Variants in PRICKLE2 observed in about 807,000 individuals in gnomAD.
PRICKLE2 encodes the protein prickle-like protein 2.
Under a neutral mutation model 81.4 loss-of-function variants are expected in PRICKLE2, and 21 were observed. The observed-to-expected ratio is 0.26, with a 90% CI of 0.18 to 0.37. The LOEUF is 0.37. Among genes scored for constraint, PRICKLE2 ranks in the 10% least tolerant of loss-of-function variants. PRICKLE2 has a pLI of 1.00. For missense variants in PRICKLE2, 940 were observed against 1,109.0 expected, an observed-to-expected ratio of 0.85 and a Z score of 2.16; for synonymous variants, 456 against 421.5, an observed-to-expected ratio of 1.08 and a Z score of -1.00.
chr3:64,188,050 AC>A (rs2078267254), intron 2 of PRICKLE2, among the ~76,000 whole-genome samples: 1 of 152,226 alleles, frequency 6.6e-6, no homozygotes, highest in Admixed American at 6.5e-5. Context: ...AGGCAAAAAG[AC>A]AGGAATGGGA....
chr3:64,203,122 G>C lies in PRICKLE2; in HGVS notation c.-40-4155C>G, dbSNP rs114233195. On this transcript the variant is annotated intron_variant, in intron 1 of 7. Transcript: ENST00000638394. ...AGTTTAGTCTAACCAAACTGATTTT[G>C]GCTTGTCAGATTCCCCCACTTTCTG... 6.2e-3 allele frequency among the ~76,000 whole-genome samples: 945 copies of C among 152,208 alleles called. 6 individuals are homozygous for C. Among genetic ancestry groups the C allele is most frequent in the Non-Finnish European group, 0.011 (716 of 68,008 alleles).
At chr3:64,113,712 G>T (rs1234445728) in intron 7 of PRICKLE2, among the ~76,000 whole-genome samples, 2 of 152,092 alleles carry the variant, frequency 1.3e-5, no homozygotes, top group African/African-American at 2.4e-5. Context: ...AGCAAGCCCT[G>T]CCCCTGCCAG....
intron 1 of PRICKLE2, among the ~76,000 whole-genome samples, chr3:64,214,450 A>C (rs2078840771): frequency 6.6e-6 from 1 of 152,232 alleles, no homozygotes; most frequent in African/African-American, 2.4e-5. Context: ...GTCCGAAGAA[A>C]GAAACAAAAC....
At chr3:64,232,879 C>T (rs1245883245) in intron 2 of PRICKLE2, among the ~76,000 whole-genome samples, 1 of 152,226 alleles carries the variant, frequency 6.6e-6, no homozygotes, top group African/African-American at 2.4e-5. Flanking sequence ...CCATCCTTCA[C>T]CCCTGACATC....
At chr3:64,115,255 T>A (rs546482575) in intron 7 of PRICKLE2, among the ~76,000 whole-genome samples, 3 of 152,186 alleles carry the variant, frequency 2.0e-5, no homozygotes, top group Non-Finnish European at 2.9e-5. Context: ...CACACTGAAG[T>A]ACCCAGACCA....
In PRICKLE2 at chr3:64,096,596, C is replaced by T. The variant is rs2076575449; in HGVS notation, c.*2455G>A. The T allele has an allele frequency of 6.6e-6, 1 of 152,172 alleles. No homozygotes were observed. Among genetic ancestry groups the T allele is most frequent in the African/African-American group, 2.4e-5 (1 of 41,442 alleles). The allele number at this position is 152,172 out of a possible 1,614,324, so 9.4% of individuals were successfully genotyped here. ...GTAATCTTGCTAGTAGACAGTTTTA[C>T]CCTGAAGCTTGTATGTCATTTCATC... On this transcript the variant is annotated 3_prime_UTR_variant, in exon 8 of 8. Transcript: ENST00000638394.
chr3:64,117,443 T>C (rs939125817), intron 7 of PRICKLE2, among the ~76,000 whole-genome samples: 16 of 152,150 alleles, frequency 1.1e-4, no homozygotes, highest in African/African-American at 3.6e-4. Context: ...ATCCTATATC[T>C]AAAACATCCC....
chr3:64,253,751 GACTT>G (rs2079483806), intron 2 of PRICKLE2, among the ~76,000 whole-genome samples: 1 of 151,432 alleles, frequency 6.6e-6, no homozygotes, highest in African/African-American at 2.5e-5. Context: ...GAAATTCAAG[GACTT>G]ACTTCTTACC....
intron 2 of PRICKLE2, among the ~76,000 whole-genome samples, chr3:64,184,311 C>A (rs1273031901): frequency 6.6e-6 from 1 of 152,118 alleles, no homozygotes; most frequent in Non-Finnish European, 1.5e-5. Context: ...CAACTTGCTC[C>A]AATCATAAAT....
chr3:64,159,360 G>A (rs2077693234), intron 4 of PRICKLE2, among the ~76,000 whole-genome samples: 2 of 152,216 alleles, frequency 1.3e-5, no homozygotes, highest in Admixed American at 6.5e-5. Flanking sequence ...CATGGCCCAA[G>A]CCAACTCCAT....
At chr3:64,134,086 A>G (rs1225655639) in intron 7 of PRICKLE2, among the ~76,000 whole-genome samples, 2 of 152,182 alleles carry the variant, frequency 1.3e-5, no homozygotes, top group Middle Eastern at 3.2e-3. Context: ...CAGGCGGTGA[A>G]GTGCTCCACG....
intron 1 of PRICKLE2, among the ~76,000 whole-genome samples, chr3:64,220,951 G>A (rs2078943043): frequency 6.6e-6 from 1 of 152,134 alleles, no homozygotes; most frequent in Non-Finnish European, 1.5e-5. Flanking sequence ...ATGGTCCATG[G>A]TGCTCTAGTG....
At chr3:64,199,865 T>A (rs544080586) in intron 1 of PRICKLE2, 2 of 152,300 alleles carry the variant, frequency 1.3e-5, no homozygotes, top group African/African-American at 4.8e-5. Context: ...AAATAAGTTA[T>A]TCCATGTTCA....
intron 7 of PRICKLE2, among the ~76,000 whole-genome samples, chr3:64,121,593 C>A (rs2077028595): frequency 6.6e-6 from 1 of 150,636 alleles, no homozygotes; most frequent in Middle Eastern, 3.5e-3. Context: ...AAATTGTATT[C>A]TTTTGTTAGT....
chr3:64,195,829 C>A (rs1214097996), intron 2 of PRICKLE2, among the ~76,000 whole-genome samples: 1 of 152,200 alleles, frequency 6.6e-6, no homozygotes, highest in Non-Finnish European at 1.5e-5. Context: ...CTATAGAATT[C>A]TTAAAATAAC....
At chr3:64,249,846 C>T (rs1292600219) in intron 2 of PRICKLE2, among the ~76,000 whole-genome samples, 1 of 152,146 alleles carries the variant, frequency 6.6e-6, no homozygotes, top group Non-Finnish European at 1.5e-5. Flanking sequence ...AGTATAGCGC[C>T]TTGCACACAA....
At chr3:64,220,805 C>T (rs892208484) in intron 1 of PRICKLE2, among the ~76,000 whole-genome samples, 6 of 152,164 alleles carry the variant, frequency 3.9e-5, no homozygotes, top group Non-Finnish European at 7.3e-5. Flanking sequence ...TATCTGAGTG[C>T]TTGGTTCAGC....
At chr3:64,229,662 C>T (rs1005548528), upstream of PRICKLE2, among the ~76,000 whole-genome samples, 1 of 152,158 alleles carries the variant, frequency 6.6e-6, no homozygotes, top group Non-Finnish European at 1.5e-5. Flanking sequence ...TCTGGCCCTG[C>T]TATTGGGAAA....
chr3:64,194,506 G>C (rs1368268072), intron 2 of PRICKLE2, among the ~76,000 whole-genome samples: 2 of 152,154 alleles, frequency 1.3e-5, no homozygotes, highest in African/African-American at 4.8e-5. Flanking sequence ...TATCCAGTGG[G>C]TAGAGGCCAA....
Sources: allele counts gnomAD v4.1 joint callset (sites outside exome capture counted in the v4.1 genomes callset), GRCh38; gene constraint gnomAD v4.1.1; transcripts MANE v1.5; gene names NCBI Gene and HGNC (gene_info 2026-07-23, HGNC 2026-07-21).